ATF7IP: variants seen among roughly 807,000 people sequenced by gnomAD.
ATF7IP encodes the protein activating transcription factor 7-interacting protein 1.
Under a neutral mutation model 106.4 loss-of-function variants are expected in ATF7IP, and 23 were observed. The observed-to-expected ratio is 0.22, with a 90% CI of 0.16 to 0.31. ATF7IP has a LOEUF of 0.31. Among genes scored for constraint, ATF7IP ranks in the 10% least tolerant of loss-of-function variants. The pLI, the probability that ATF7IP is intolerant of heterozygous loss-of-function variation, is 1.00. For missense variants in ATF7IP, 1,334 were observed against 1,524.3 expected, an observed-to-expected ratio of 0.88 and a Z score of 2.08; for synonymous variants, 542 against 539.0, an observed-to-expected ratio of 1.01 and a Z score of -0.08.
intron 1 of ATF7IP, among the ~76,000 whole-genome samples, chr12:14,382,435 C>T (rs540917619): frequency 6.6e-6 from 1 of 152,224 alleles, no homozygotes; most frequent in East Asian, 1.9e-4. Context: ...AAACTTAAAT[C>T]ACTTTTGTTT....
At chr12:14,467,279 C>T (rs1163933040) in intron 10 of ATF7IP, among the ~76,000 whole-genome samples, 3 of 151,972 alleles carry the variant, frequency 2.0e-5, no homozygotes, top group African/African-American at 4.8e-5. Flanking sequence ...ACAAAAATCT[C>T]GAGCATGTCA....
intron 13 of ATF7IP, among the ~76,000 whole-genome samples, chr12:14,490,090 C>G (rs1003069667): frequency 3.3e-5 from 5 of 152,210 alleles, no homozygotes; most frequent in Admixed American, 2.0e-4. Context: ...GCCATAGTCA[C>G]GTCAGCCTTG....
chr12:14,385,275 TTAA>T (rs1346656878), intron 1 of ATF7IP: 1 of 905,650 alleles, frequency 1.1e-6, no homozygotes. Flanking sequence ...TGCAGCCATC[TTAA>T]TTACACTTTT....
intron 1 of ATF7IP, chr12:14,394,984 T>A (rs1939758670): frequency 1.3e-5 from 2 of 152,172 alleles, no homozygotes; most frequent in Admixed American, 6.5e-5. Context: ...TGACATATTG[T>A]CTGACGTTTT....
In ATF7IP at chr12:14,495,213, ATC is replaced by A. The variant is rs113817351; in HGVS notation, c.3281-1014_3281-1013del. Among the ~76,000 whole-genome samples the A allele has an allele frequency of 4.5e-3, 680 of 152,260 alleles. 3 individuals carry two copies. Among genetic ancestry groups the A allele is most frequent in the East Asian group, 0.015 (79 of 5,186 alleles). On this transcript the variant is annotated intron_variant, in intron 13 of 14. Coordinates refer to ENST00000261168, the MANE Select transcript of ATF7IP (RefSeq NM_018179.5). ...CCCCAGTCCACTGACTCAAATGTTA[ATC>A]TCTTTTGGCAACATCCTCACAGGCC...
chr12:14,447,712 C>T (rs562654151), intron 6 of ATF7IP, among the ~76,000 whole-genome samples: 1 of 151,952 alleles, frequency 6.6e-6, no homozygotes, highest in Non-Finnish European at 1.5e-5. Context: ...TACTATTTTC[C>T]CCAAAGTATT....
At chr12:14,453,880 C>T (rs552640051) in intron 6 of ATF7IP, among the ~76,000 whole-genome samples, 108 of 152,334 alleles carry the variant, frequency 7.1e-4, no homozygotes, top group Admixed American at 1.2e-3. Flanking sequence ...CCGCCTCGGC[C>T]TCCCAAAGTG....
Position 14,384,101 on chromosome 12 carries a change from G to A in ATF7IP, c.-8+18274G>A, listed in dbSNP as rs78759309. Among the ~76,000 whole-genome samples the A allele has an allele frequency of 1.1e-3, 164 of 152,198 alleles. 5 individuals carry two copies. In the East Asian group the frequency reaches 0.024, roughly 22 times the overall value. On this transcript the variant is annotated intron_variant, in intron 1 of 14. Coordinates refer to ENST00000261168, the MANE Select transcript of ATF7IP (RefSeq NM_018179.5). Reference sequence around the variant, plus strand: ...AATAGAATGAGATAATAAATTCTGTGTGCCCATTGCTCAGCTTGAACCATT... The same window carrying A: ...AATAGAATGAGATAATAAATTCTGTATGCCCATTGCTCAGCTTGAACCATT...
chr12:14,373,728 A>G (rs2136397036), intron 1 of ATF7IP, among the ~76,000 whole-genome samples: 1 of 152,244 alleles, frequency 6.6e-6, no homozygotes, highest in South Asian at 2.1e-4. Context: ...TTCTCTTTTA[A>G]GATTTAGGTT....
At chr12:14,492,701 T>C (rs1193259711) in intron 13 of ATF7IP, among the ~76,000 whole-genome samples, 1 of 152,214 alleles carries the variant, frequency 6.6e-6, no homozygotes, top group Non-Finnish European at 1.5e-5. Flanking sequence ...ATTGCCACTT[T>C]GCCTCTGCTG....
In ATF7IP at chr12:14,365,749, GCAACGTCGGGGACGGCTGCGCGGGA is replaced by G. The variant is rs1165208216; in HGVS notation, c.-84_-60del. On this transcript the variant is annotated 5_prime_UTR_variant, in exon 1 of 15. Transcript: ENST00000261168. The stretch of plus-strand genomic sequence containing the variant: ...CTGAAGCGCGCGAAAAGCTGAGGCG[GCAACGTCGGGGACGGCTGCGCGGGA>G]CGGCTCTGTAGGAAGGAACTTGGTT... 1 of 156,338 alleles carries G rather than the reference GCAACGTCGGGGACGGCTGCGCGGGA, an allele frequency of 6.4e-6. No homozygotes were observed. The highest frequency in any genetic ancestry group is 1.4e-5 in the Non-Finnish European group (1 of 70,238). The allele number at this position is 156,338 out of a possible 1,614,324, so 9.7% of individuals were successfully genotyped here.
intron 6 of ATF7IP, among the ~76,000 whole-genome samples, chr12:14,447,583 T>G (rs1943032764): frequency 6.6e-6 from 1 of 152,150 alleles, no homozygotes; most frequent in Admixed American, 6.5e-5. Context: ...GACTGGCCCC[T>G]TAGGTTATGC....
intron 1 of ATF7IP, among the ~76,000 whole-genome samples, chr12:14,400,507 T>TA (rs1940132883): frequency 6.6e-6 from 1 of 152,176 alleles, no homozygotes; most frequent in Non-Finnish European, 1.5e-5. Context: ...CTGGTCCTGG[T>TA]ATTTGCACTA....
intron 1 of ATF7IP, among the ~76,000 whole-genome samples, chr12:14,373,306 A>G (rs1473812131): frequency 3.6e-5 from 2 of 54,868 alleles, no homozygotes; most frequent in South Asian, 1.3e-3. Flanking sequence ...AAGATGACAC[A>G]TGTTTTTTTC....
Position 14,498,371 on chromosome 12 carries a change from T to C in ATF7IP, c.*298T>C, listed in dbSNP as rs1019965965. ...TGTGTTTTTCCTTATGTAGGTGTTATTGCATTGGAGTCTCCCATTTTCATT... is the reference window on the plus strand; with the variant it reads ...TGTGTTTTTCCTTATGTAGGTGTTACTGCATTGGAGTCTCCCATTTTCATT... On this transcript the variant is annotated 3_prime_UTR_variant, in exon 15 of 15. Transcript: ENST00000261168. The C allele has an allele frequency of 3.1e-5, 9 of 285,992 alleles. No homozygotes were observed. Among genetic ancestry groups the C allele is most frequent in the South Asian group, 2.0e-4 (2 of 10,214 alleles). The allele number at this position is 285,992 out of a possible 1,614,324, so 17.7% of individuals were successfully genotyped here.
Position 14,466,528 on chromosome 12 carries a change from A to G in ATF7IP, c.2800A>G (p.Asn934Asp), listed in dbSNP as rs1416664199. Residue 934 changes from asparagine (N) to aspartate (D), a missense_variant and splice_region_variant, in exon 10 of 15, where the codon AAC becomes GAC. Transcript: ENST00000261168. ...QNSNTTPRIE[N>D]QTNKTIDASV... ...AAATGGCTTTTTTTACTTTTCAGAA[A>G]ACCAGACAAACAAAACAATAGATGC... 6.3e-7 allele frequency: 1 copy of G among 1,598,992 alleles called. No individual in the cohort carries two copies. The highest frequency in any genetic ancestry group is 2.3e-5 in the East Asian group (1 of 44,032).
intron 10 of ATF7IP, among the ~76,000 whole-genome samples, chr12:14,468,450 G>GGGC (rs1943916271): frequency 6.7e-6 from 1 of 149,824 alleles, no homozygotes; most frequent in Admixed American, 6.7e-5. Flanking sequence ...AAACCAACCT[G>GGGC]GGCAGCAAAG....
At position 14,473,290 on chromosome 12, in the gene ATF7IP, C is replaced by CTATG. The variant is rs1491488005; in HGVS notation, c.2863-2599_2863-2598insATGT. Among the ~76,000 whole-genome samples the CTATG allele has an allele frequency of 5.1e-4, 66 of 130,032 alleles. 1 individual carries two copies. The highest frequency in any genetic ancestry group is 1.9e-3 in the African/African-American group (64 of 33,698). The allele number at this position is 130,032 out of a possible 152,430, so 85.3% of individuals were successfully genotyped here. ...TTTTTAGCGCGCTCTCTCTCTCTCT[C>CTATG]TGTGTGTGTGTGTGTGTGTGTGTGT... On this transcript the variant is annotated intron_variant, in intron 10 of 14. Coordinates refer to ENST00000261168, the MANE Select transcript of ATF7IP (RefSeq NM_018179.5).
intron 13 of ATF7IP, among the ~76,000 whole-genome samples, chr12:14,483,857 G>A (rs982794666): frequency 2.0e-5 from 3 of 152,062 alleles, no homozygotes; most frequent in Non-Finnish European, 4.4e-5. Context: ...CCATGAGAAC[G>A]AGCCCACTGC....
Sources: gnomAD v4.1 joint callset for allele counts (sites outside exome capture counted in the v4.1 genomes callset) on GRCh38, gnomAD v4.1.1 for gene constraint, MANE v1.5 for transcripts, NCBI Gene and HGNC (gene_info 2026-07-23, HGNC 2026-07-21) for gene names.